Variants in SEC13 observed in about 807,000 individuals in gnomAD.
The protein encoded by SEC13 is protein SEC13 homolog.
SEC13 carries 25 observed loss-of-function variants against 49.2 expected under a neutral mutation model. The observed-to-expected ratio is 0.51, with a 90% CI of 0.37 to 0.71. SEC13 has a LOEUF of 0.71. SEC13 is among the 30% of genes least tolerant of loss of function. The pLI is 0.00. For missense variants in SEC13, 383 were observed against 417.6 expected, an observed-to-expected ratio of 0.92 and a Z score of 0.72; for synonymous variants, 148 against 163.9, an observed-to-expected ratio of 0.90 and a Z score of 0.74.
chr3:10,304,215 C>T (rs773070301), intron 7 of SEC13, 43 bp from the exon 8 acceptor site: 2 of 1,606,228 alleles, frequency 1.2e-6, no homozygotes, highest in Non-Finnish European at 1.7e-6. Flanking sequence ...AGTCAAGACT[C>T]CTGCGTTTGT....
At chr3:10,313,041 T>C in intron 3 of SEC13, 1 of 322,026 alleles carries the variant, frequency 3.1e-6, no homozygotes, top group East Asian at 5.9e-5. Context: ...GTATGTGCTG[T>C]CTACAGCATA....
intron 1 of SEC13, chr3:10,320,702 G>A (rs1398753253): frequency 1.6e-5 from 18 of 1,157,262 alleles, no homozygotes; most frequent in Non-Finnish European, 1.8e-5. Flanking sequence ...TTCTTCACAA[G>A]GCTGTTAGCA....
At position 10,301,118 on chromosome 3, in the gene SEC13, AT is replaced by A; in HGVS notation, c.*142del. The A allele has an allele frequency of 6.2e-7, 1 of 1,613,552 alleles. No individual in the cohort carries two copies. Among genetic ancestry groups the A allele is most frequent in the Admixed American group, 1.7e-5 (1 of 60,002 alleles). On this transcript the variant is annotated 3_prime_UTR_variant, in exon 9 of 9. Transcript: ENST00000350697. ...ATCTCCGATCACGTTAAGGCAGATG[AT>A]CAATCTGTGGCTGCATCTGTAACTC...
In SEC13 at chr3:10,301,122, A is replaced by G. The variant is rs144027540; in HGVS notation, c.*139T>C. On this transcript the variant is annotated 3_prime_UTR_variant, in exon 9 of 9. Coordinates refer to ENST00000350697, the MANE Select transcript of SEC13 (RefSeq NM_183352.3). Reference sequence around the variant, plus strand: ...CCGATCACGTTAAGGCAGATGATCAATCTGTGGCTGCATCTGTAACTCCTC... The same window carrying G: ...CCGATCACGTTAAGGCAGATGATCAGTCTGTGGCTGCATCTGTAACTCCTC... 375 of 1,613,758 alleles carry G rather than the reference A, an allele frequency of 2.3e-4. 3 individuals carry two copies. The African/African-American group carries it at 4.5e-3, about 19-fold the overall frequency.
chr3:10,320,834 C>G, intron 1 of SEC13: 1 of 1,319,214 alleles, frequency 7.6e-7, no homozygotes, highest in Non-Finnish European at 9.6e-7. Context: ...GCAGGAGCGG[C>G]GCGCCCCGCA....
In SEC13 at chr3:10,301,054, T is replaced by TAACA; in HGVS notation, c.*203_*206dup. 4 of 1,605,366 alleles carry TAACA rather than the reference T, an allele frequency of 2.5e-6. No homozygotes were observed. Among genetic ancestry groups the TAACA allele is most frequent in the Non-Finnish European group, 3.4e-6 (4 of 1,175,722 alleles). On this transcript the variant is annotated 3_prime_UTR_variant, in exon 9 of 9. Transcript: ENST00000350697. Reference sequence around the variant, plus strand: ...AACATCACTTGTAGTTTCTTCCTCGTAACATGAGTGCTTTCAGCTGGACAG... The same window carrying TAACA: ...AACATCACTTGTAGTTTCTTCCTCGTAACAAACATGAGTGCTTTCAGCTGGACAG...
intron 5 of SEC13, 163 bp from the exon 6 acceptor site, chr3:10,305,855 A>C: frequency 3.1e-6 from 2 of 653,966 alleles, no homozygotes; most frequent in South Asian, 2.3e-5. Context: ...TTCTCCCTCA[A>C]GGATCCCAAC....
At chr3:10,311,240 G>C (rs1701234690) in intron 5 of SEC13, among the ~76,000 whole-genome samples, 1 of 152,234 alleles carries the variant, frequency 6.6e-6, no homozygotes, top group African/African-American at 2.4e-5. Context: ...TCCTGTCCAG[G>C]GCTGGCTTCT....
At chr3:10,301,451 C>T in intron 8 of SEC13, 77 bp from the exon 9 acceptor site, 1 of 1,577,028 alleles carries the variant, frequency 6.3e-7, no homozygotes, top group Non-Finnish European at 8.6e-7. Context: ...GAGCCTCATC[C>T]TCATCAAGAA....
intron 2 of SEC13, among the ~76,000 whole-genome samples, chr3:10,316,244 G>A (rs1470466001): frequency 6.6e-6 from 1 of 152,074 alleles, no homozygotes; most frequent in Non-Finnish European, 1.5e-5. Context: ...CTGCTTGCTG[G>A]CCCTGCCTAT....
intron 8 of SEC13, 88 bp from the exon 9 acceptor site, chr3:10,301,462 C>T: frequency 6.5e-7 from 1 of 1,545,110 alleles, no homozygotes; most frequent in South Asian, 1.2e-5. Context: ...TCATCAAGAA[C>T]CACTGCCCAG....
chr3:10,320,006 G>GGAGA (rs59019332), intron 1 of SEC13, among the ~76,000 whole-genome samples: 147 of 103,180 alleles, frequency 1.4e-3, no homozygotes, highest in East Asian at 5.9e-3. Context: ...GGGAGGGTGG[G>GGAGA]GAGAGAGAGA....
chr3:10,301,385 G>A lies in SEC13; in HGVS notation c.856-11C>T, dbSNP rs757229729. On this transcript the variant is annotated splice_polypyrimidine_tract_variant and intron_variant, in intron 8 of 8. Coordinates refer to ENST00000350697, the MANE Select transcript of SEC13 (RefSeq NM_183352.3). ...CTTCCACAGGGTCACCTGCGAGTCA[G>A]TGCACAAGCAGATTATCACGGGTCT... The A allele has an allele frequency of 3.1e-6, 5 of 1,614,140 alleles. No homozygotes were observed. The highest frequency in any genetic ancestry group is 1.6e-4 in the Middle Eastern group (1 of 6,062).
rs2125234128 is a variant in SEC13, at chr3:10,300,990, G to A, written c.*271C>T. 1 of 1,254,880 alleles carries A rather than the reference G, an allele frequency of 8.0e-7. No individual in the cohort carries two copies. The highest frequency in any genetic ancestry group is 1.1e-6 in the Non-Finnish European group (1 of 884,994). 77.7% of individuals were successfully genotyped at this position (1,254,880 alleles called of 1,614,324 possible). A position where few individuals can be genotyped will look rare whatever the true frequency, so the allele number is the denominator to read the frequency against. On this transcript the variant is annotated 3_prime_UTR_variant, in exon 9 of 9. Transcript: ENST00000350697. ...AAACAAAACCCCCCAAATAATGCCT[G>A]AACCCAAAGGTACATAAAAATGACC...
chr3:10,318,320 C>T (rs541657030), intron 1 of SEC13, among the ~76,000 whole-genome samples: 8 of 152,050 alleles, frequency 5.3e-5, no homozygotes, highest in South Asian at 4.2e-4. Context: ...ATGCTAGTGT[C>T]GCAAGATAAA....
chr3:10,304,988 G>T, intron 7 of SEC13, 45 bp downstream of exon 7: 1 of 1,612,816 alleles, frequency 6.2e-7, no homozygotes, highest in South Asian at 1.1e-5. Context: ...TGATGGGCCT[G>T]ACTCGAGACT....
chr3:10,304,013 A>G lies in SEC13; in HGVS notation c.855+13T>C, dbSNP rs763474852. 8.1e-6 allele frequency: 13 copies of G among 1,613,558 alleles called. No homozygotes were observed. The highest frequency in any genetic ancestry group is 1.1e-5 in the Non-Finnish European group (13 of 1,179,942). ...AGGCTGTGTCCACCATGCCACGGGGAATGGGTATGTACCTTATTGTCTCCA... is the reference window on the plus strand; with the variant it reads ...AGGCTGTGTCCACCATGCCACGGGGGATGGGTATGTACCTTATTGTCTCCA... On this transcript the variant is annotated intron_variant, in intron 8 of 8. Coordinates refer to ENST00000350697, the MANE Select transcript of SEC13 (RefSeq NM_183352.3).
At chr3:10,308,882 C>A (rs925612442) in intron 5 of SEC13, among the ~76,000 whole-genome samples, 1 of 145,024 alleles carries the variant, frequency 6.9e-6, no homozygotes. Context: ...GAGTTCACCT[C>A]GATCTCCCAA....
At chr3:10,305,008 G>C in intron 7 of SEC13, 25 bp downstream of exon 7, 1 of 1,613,864 alleles carries the variant, frequency 6.2e-7, no homozygotes, top group Non-Finnish European at 8.5e-7. Context: ...TAAATGACAA[G>C]GGATACTCAT....
Sources: gnomAD v4.1 joint callset for allele counts (sites outside exome capture counted in the v4.1 genomes callset) on GRCh38, gnomAD v4.1.1 for gene constraint, MANE v1.5 for transcripts, NCBI Gene and HGNC (gene_info 2026-07-23, HGNC 2026-07-21) for gene names.